DDX10: variants seen among roughly 807,000 people sequenced by gnomAD.
DDX10 encodes probable ATP-dependent RNA helicase DDX10.
A neutral mutation model predicts 104.3 loss-of-function variants in DDX10; 74 were observed. That is an observed-to-expected ratio of 0.71 (90% CI 0.59 to 0.86). The LOEUF (loss-of-function observed/expected upper bound fraction) is 0.86, where lower values mean the gene tolerates loss of function less well. Among genes scored for constraint, DDX10 ranks in the 40% least tolerant of loss-of-function variants. The probability of loss-of-function intolerance (pLI) is 0.00; values close to 1 mark genes in which losing one functional copy is unlikely to be tolerated. For synonymous variants in DDX10, 351 were observed against 353.4 expected (o/e 0.99, Z 0.08); for missense variants, 952 against 1,040.0 (o/e 0.92, Z 1.16).
intron 1 of DDX10, among the ~76,000 whole-genome samples, chr11:108,672,030 C>A (rs1318926749): frequency 2.1e-5 from 3 of 140,734 alleles, no homozygotes; most frequent in African/African-American, 8.2e-5. Flanking sequence ...CACTGCACTC[C>A]AGCCTGGGCG....
intron 1 of DDX10, among the ~76,000 whole-genome samples, chr11:108,669,193 A>G (rs1235032798): frequency 6.6e-6 from 1 of 151,706 alleles, no homozygotes; most frequent in African/African-American, 2.4e-5. Flanking sequence ...TCCTGGGCTC[A>G]AGTGACCCAC....
chr11:108,677,022 A>C (rs1310733996), intron 3 of DDX10, 63 bp from the exon 4 acceptor site: 23 of 1,502,944 alleles, frequency 1.5e-5, no homozygotes, highest in Non-Finnish European at 2.0e-5. Context: ...GGCAAGGTTG[A>C]GATGCAGGTC....
intron 17 of DDX10, among the ~76,000 whole-genome samples, chr11:108,930,903 T>C (rs923261161): frequency 1.3e-5 from 2 of 152,204 alleles, no homozygotes; most frequent in African/African-American, 4.8e-5. Context: ...GTGAAGGTTC[T>C]TACCTGAGAT....
intron 16 of DDX10, among the ~76,000 whole-genome samples, chr11:108,915,687 G>A (rs1048256197): frequency 2.6e-5 from 4 of 152,008 alleles, no homozygotes; most frequent in Non-Finnish European, 5.9e-5. Flanking sequence ...AAAGTTCATT[G>A]ATATGGTTTC....
chr11:108,691,742 T>A, intron 7 of DDX10, 134 bp from the exon 8 acceptor site: 1 of 589,592 alleles, frequency 1.7e-6, no homozygotes, highest in Non-Finnish European at 2.7e-6. Flanking sequence ...AAGAGTTTCT[T>A]TACTTTTTTT....
At chr11:108,918,114 A>G in intron 17 of DDX10, 96 bp downstream of exon 17, 1 of 1,281,058 alleles carries the variant, frequency 7.8e-7, no homozygotes, top group Non-Finnish European at 1.1e-6. Context: ...CTACTCCAAG[A>G]GATGTTTGTT....
chr11:108,906,077 T>G (rs1863593367), intron 16 of DDX10, among the ~76,000 whole-genome samples: 1 of 152,176 alleles, frequency 6.6e-6, no homozygotes, highest in Non-Finnish European at 1.5e-5. Context: ...ATCATCCATG[T>G]TTTTGTATAT....
intron 13 of DDX10, among the ~76,000 whole-genome samples, chr11:108,808,479 A>G (rs1266606293): frequency 3.3e-5 from 5 of 152,178 alleles, no homozygotes; most frequent in African/African-American, 1.2e-4. Flanking sequence ...AGCAATTTTA[A>G]GTACCATAAA....
At chr11:108,700,870 T>A (rs1048015838) in intron 9 of DDX10, among the ~76,000 whole-genome samples, 1 of 152,166 alleles carries the variant, frequency 6.6e-6, no homozygotes, top group Non-Finnish European at 1.5e-5. Flanking sequence ...TTACCTTTTT[T>A]TTTTTTAATT....
intron 12 of DDX10, 135 bp from the exon 13 acceptor site, chr11:108,722,862 A>G: frequency 7.4e-7 from 1 of 1,343,704 alleles, no homozygotes; most frequent in Non-Finnish European, 9.8e-7. Flanking sequence ...ACCTGTTAGT[A>G]TTGAGTTGTA....
chr11:108,936,182 C>A (rs148100691), intron 17 of DDX10, among the ~76,000 whole-genome samples: 4 of 152,170 alleles, frequency 2.6e-5, no homozygotes, highest in Non-Finnish European at 5.9e-5. Context: ...ATGTAGCATA[C>A]CTACTCTGTC....
chr11:108,704,697 A>G (rs907799337), intron 9 of DDX10, among the ~76,000 whole-genome samples: 8 of 152,196 alleles, frequency 5.3e-5, no homozygotes, highest in Admixed American at 3.9e-4. Context: ...AAGATCTTTG[A>G]GTCATATTAT....
chr11:108,750,922 G>A (rs993293732), intron 13 of DDX10, among the ~76,000 whole-genome samples: 1 of 97,370 alleles, frequency 1.0e-5, no homozygotes, highest in African/African-American at 4.0e-5. Context: ...ACCACACCTG[G>A]TTACTTTTTT....
intron 13 of DDX10, among the ~76,000 whole-genome samples, chr11:108,792,743 G>C (rs534653972): frequency 6.6e-6 from 1 of 151,682 alleles, no homozygotes; most frequent in Non-Finnish European, 1.5e-5. Context: ...TTCTTTTCAC[G>C]TCCGTATATA....
intron 16 of DDX10, among the ~76,000 whole-genome samples, chr11:108,880,780 T>A (rs1413348191): frequency 1.4e-4 from 22 of 152,272 alleles, no homozygotes; most frequent in Admixed American, 1.4e-3. Context: ...GATGTGGAAT[T>A]TCCTATTTCC....
intron 14 of DDX10, among the ~76,000 whole-genome samples, chr11:108,839,339 C>A (rs755685431): frequency 6.6e-6 from 1 of 152,108 alleles, no homozygotes; most frequent in Non-Finnish European, 1.5e-5. Context: ...TCTCACCCTG[C>A]CTCACTTTTC....
At chr11:108,886,895 T>C (rs1286226579) in intron 16 of DDX10, among the ~76,000 whole-genome samples, 1 of 152,238 alleles carries the variant, frequency 6.6e-6, no homozygotes, top group Admixed American at 6.5e-5. Flanking sequence ...AAAATTCATG[T>C]GCTATTCTGG....
At chr11:108,733,944 A>G (rs1766696698) in intron 13 of DDX10, among the ~76,000 whole-genome samples, 1 of 151,534 alleles carries the variant, frequency 6.6e-6, no homozygotes, top group Admixed American at 6.6e-5. Flanking sequence ...CCCAGTTTCC[A>G]CTTAAACAGT....
chr11:108,822,218 T>G (rs971046926), intron 13 of DDX10: 2 of 198,142 alleles, frequency 1.0e-5, no homozygotes, highest in African/African-American at 2.4e-5. Flanking sequence ...CAACAAAATA[T>G]TCTGTCATTC....
Sources: allele counts gnomAD v4.1 joint callset (sites outside exome capture counted in the v4.1 genomes callset), GRCh38; gene constraint gnomAD v4.1.1; transcripts MANE v1.5; gene names NCBI Gene and HGNC (gene_info 2026-07-23, HGNC 2026-07-21).